BLK: variants seen among roughly 807,000 people sequenced by gnomAD.
BLK encodes BLK proto-oncogene, Src family tyrosine kinase, also known as tyrosine-protein kinase Blk.
A neutral mutation model predicts 61.8 loss-of-function variants in BLK; 64 were observed. That is an observed-to-expected ratio of 1.03 (90% CI 0.85 to 1.27). The LOEUF is 1.27. BLK is among the 50% of genes most tolerant of loss of function. BLK has a pLI of 0.00. For missense variants in BLK, 853 were observed against 660.5 expected, an observed-to-expected ratio of 1.29 and a Z score of -3.19; for synonymous variants, 351 against 272.0, an observed-to-expected ratio of 1.29 and a Z score of -2.86.
chr8:11,562,647 C>T (rs1801543560), intron 11 of BLK, among the ~76,000 whole-genome samples: 1 of 152,260 alleles, frequency 6.6e-6, no homozygotes, highest in Admixed American at 6.5e-5. Flanking sequence ...AACAAGGCCC[C>T]TGTAAGGTGA....
rs184990898 is a variant in BLK at position 11,546,854 on chromosome 8, G to A, written c.175+751G>A. ...GCCTCTCAAAGTGCTGGGATTACAG[G>A]CGTGAGCCACTGTGCGTGGCCCCTA... On this transcript the variant is annotated intron_variant, in intron 3 of 12. Coordinates refer to ENST00000259089, the MANE Select transcript of BLK (RefSeq NM_001715.3). Among the ~76,000 whole-genome samples the A allele has an allele frequency of 5.9e-5, 9 of 152,364 alleles. No individual in the cohort carries two copies. In the East Asian group the frequency reaches 1.5e-3, roughly 26 times the overall value.
At chr8:11,550,307 G>A (rs766430463) in intron 6 of BLK, 45 bp downstream of exon 6, 31 of 1,584,982 alleles carry the variant, frequency 2.0e-5, no homozygotes, top group Admixed American at 5.0e-5. Context: ...TGCTCCTCCC[G>A]GGAAGGCGCC....
At chr8:11,530,654 C>A (rs1032745605) in intron 1 of BLK, among the ~76,000 whole-genome samples, 13 of 130,512 alleles carry the variant, frequency 1.0e-4, no homozygotes, top group Non-Finnish European at 2.0e-4. Context: ...GTATATTTTG[C>A]TCAATTGTTA....
intron 1 of BLK, among the ~76,000 whole-genome samples, chr8:11,535,045 G>C (rs1196022150): frequency 6.6e-6 from 1 of 152,016 alleles, no homozygotes; most frequent in Admixed American, 6.6e-5. Context: ...AGGCATGGCA[G>C]CACGTGCCTG....
In BLK at chr8:11,563,962, G is replaced by A. The variant is rs768186304; in HGVS notation, c.1372G>A (p.Asp458Asn). Residue 458 changes from aspartate to asparagine, a missense_variant, in exon 13 of 13, where the codon GAC becomes AAC. Physicochemically the swap from Asp to Asn is conservative, Grantham distance 23 (BLOSUM62 1). Transcript: ENST00000259089. ...GCGCGGCTACCGCATGCCGCGCCCC[G>A]ACACCTGCCCGCCCGAGCTGTACCG... is the stretch of plus-strand genomic sequence containing the variant. ...LERGYRMPRPDTCPPELYRGV... is the reference protein window; with the variant it reads ...LERGYRMPRPNTCPPELYRGV... The A allele has an allele frequency of 4.7e-5, 76 of 1,606,712 alleles. No individual in the cohort carries two copies. Among genetic ancestry groups the A allele is most frequent in the African/African-American group, 2.3e-4 (17 of 74,910 alleles).
chr8:11,527,367 C>A (rs547671376), intron 1 of BLK, among the ~76,000 whole-genome samples: 1 of 152,300 alleles, frequency 6.6e-6, no homozygotes, highest in African/African-American at 2.4e-5. Flanking sequence ...ATTTTCACCA[C>A]CCCAATAAGT....
In BLK at chr8:11,509,519, G is replaced by A. The variant is rs552100623; in HGVS notation, c.-2+14928G>A. The A allele has an allele frequency of 2.0e-5, 3 of 152,326 alleles. No homozygotes were observed. The East Asian group carries it at 5.8e-4, about 30-fold the overall frequency. 9.4% of individuals were successfully genotyped at this position (152,326 alleles called of 1,614,324 possible). A position where few individuals can be genotyped will look rare whatever the true frequency, so the allele number is the denominator to read the frequency against. ...TGATAGGAAGCAGGGTGGGCGCTGG[G>A]ATGTGACTGCGCCCTTGCCAGTGTT... On this transcript the variant is annotated intron_variant, in intron 1 of 12. Coordinates refer to ENST00000259089, the MANE Select transcript of BLK (RefSeq NM_001715.3).
At chr8:11,509,731 T>C (rs1265061481) in intron 1 of BLK, 2 of 152,182 alleles carry the variant, frequency 1.3e-5, no homozygotes, top group Non-Finnish European at 2.9e-5. Flanking sequence ...TGTGTCATTT[T>C]CTCCTGACTT....
At chr8:11,556,334 A>C in intron 8 of BLK, 2 of 402,938 alleles carry the variant, frequency 5.0e-6, no homozygotes, top group South Asian at 4.4e-5. Flanking sequence ...TTATTGTGTG[A>C]TAGAAGAGAC....
chr8:11,556,068 G>C (rs967066487), intron 8 of BLK: 15 of 229,526 alleles, frequency 6.5e-5, no homozygotes. Context: ...TCCCTTACCT[G>C]GGGCTGATGC....
At chr8:11,512,799 G>T (rs1264702026) in intron 1 of BLK, among the ~76,000 whole-genome samples, 1 of 152,152 alleles carries the variant, frequency 6.6e-6, no homozygotes, top group Non-Finnish European at 1.5e-5. Flanking sequence ...GAGTAGCTGG[G>T]ACTACAGGCG....
chr8:11,524,979 G>T (rs1343156488), intron 1 of BLK, among the ~76,000 whole-genome samples: 1 of 150,550 alleles, frequency 6.6e-6, no homozygotes, highest in Non-Finnish European at 1.5e-5. Flanking sequence ...GCTGTCTCTG[G>T]ATGATGGCAT....
intron 1 of BLK, among the ~76,000 whole-genome samples, chr8:11,536,272 C>T (rs1373031316): frequency 6.6e-6 from 1 of 152,144 alleles, no homozygotes; most frequent in East Asian, 1.9e-4. Flanking sequence ...TTCCAAGTTT[C>T]ATTCATTTAG....
intron 6 of BLK, among the ~76,000 whole-genome samples, chr8:11,551,172 C>G (rs1019639315): frequency 6.6e-6 from 1 of 152,214 alleles, no homozygotes; most frequent in Admixed American, 6.5e-5. Context: ...TGTCACTCAG[C>G]AGTGTTTGTG....
At chr8:11,525,383 C>T (rs1471103864) in intron 1 of BLK, among the ~76,000 whole-genome samples, 1 of 152,030 alleles carries the variant, frequency 6.6e-6, no homozygotes, top group Non-Finnish European at 1.5e-5. Context: ...TGATTTTTAC[C>T]AAAAATGTCC....
chr8:11,530,349 G>C (rs990328653), intron 1 of BLK, among the ~76,000 whole-genome samples: 3 of 152,182 alleles, frequency 2.0e-5, no homozygotes, highest in Admixed American at 1.3e-4. Flanking sequence ...ATTTGCCACA[G>C]GTCGGGAATC....
intron 6 of BLK, among the ~76,000 whole-genome samples, chr8:11,553,848 G>C (rs978880135): frequency 6.6e-6 from 1 of 152,212 alleles, no homozygotes. Context: ...GGAACTGACA[G>C]GAGAGGAAAG....
At chr8:11,530,914 A>G (rs984093528) in intron 1 of BLK, among the ~76,000 whole-genome samples, 2 of 152,204 alleles carry the variant, frequency 1.3e-5, no homozygotes, top group African/African-American at 4.8e-5. Flanking sequence ...ACAGGTTAAG[A>G]AGCTCCCAAA....
At chr8:11,500,880 T>G (rs1798532821) in intron 1 of BLK, among the ~76,000 whole-genome samples, 1 of 152,192 alleles carries the variant, frequency 6.6e-6, no homozygotes, top group Admixed American at 6.5e-5. Flanking sequence ...GCCATTTCTG[T>G]GGTGCAATTG....
Sources: gnomAD v4.1 joint callset for allele counts (sites outside exome capture counted in the v4.1 genomes callset) on GRCh38, gnomAD v4.1.1 for gene constraint, MANE v1.5 for transcripts, NCBI Gene and HGNC (gene_info 2026-07-23, HGNC 2026-07-21) for gene names.